The following TIMD4 variants were observed in gnomAD, a reference collection of about 807,000 sequenced individuals.
TIMD4 encodes T-cell immunoglobulin and mucin domain-containing protein 4.
A neutral mutation model predicts 41.2 loss-of-function variants in TIMD4; 31 were observed. The ratio of observed to expected loss-of-function variants is 0.75; its 90% CI spans 0.57 to 1.01. The LOEUF is 1.01. Ranked by LOEUF, TIMD4 falls within the 50% of genes least tolerant of loss-of-function variation. The probability of loss-of-function intolerance (pLI) is 0.00; values close to 1 mark genes in which losing one functional copy is unlikely to be tolerated. For missense variants in TIMD4, 479 were observed against 472.5 expected (o/e 1.01, Z -0.13); for synonymous variants, 204 against 177.1 (o/e 1.15, Z -1.21).
rs143159453 is a variant in TIMD4, at chr5:156,954,674, G to T, written c.141C>A (p.His47Gln). 2.5e-6 allele frequency: 4 copies of T among 1,614,214 alleles called. No homozygotes were observed. The highest frequency in any genetic ancestry group is 3.4e-6 in the Non-Finnish European group (4 of 1,180,042). The change falls in exon 2 of 9, where the codon CAC (histidine) becomes CAA (glutamine). Residue 47 changes from histidine (H) to glutamine (Q), a missense_variant. Transcript: ENST00000274532. ...TLPCLYSSWS[H>Q]NSNSMCWGKD... is the part of the protein sequence containing the mutation. The stretch of plus-strand genomic sequence containing the variant: ...TCCCCCAGCACATGCTGTTGCTGTT[G>T]TGAGACCAGGATGAGTACAGACAGG...
rs373507116 is a variant in TIMD4 at position 156,954,712 on chromosome 5, G to A, written c.103C>T (p.Arg35Trp). The change falls in exon 2 of 9, where the codon CGG becomes TGG. Residue 35 changes from arginine to tryptophan, a missense_variant. Coordinates refer to ENST00000274532, the MANE Select transcript of TIMD4 (RefSeq NM_138379.3). Reference sequence around the variant, plus strand: ...GAGTACAGACAGGGCAAAGTCACCCGGTGACCCAAAACCTCCGTCACAACA... The same window carrying A: ...GAGTACAGACAGGGCAAAGTCACCCAGTGACCCAAAACCTCCGTCACAACA... ...ETVVTEVLGH[R>W]VTLPCLYSSW... is the part of the protein sequence containing the mutation. 5.0e-6 allele frequency: 8 copies of A among 1,613,760 alleles called. No homozygotes were observed. The highest frequency in any genetic ancestry group is 1.7e-5 in the Admixed American group (1 of 59,986).
At chr5:156,955,899 A>T (rs1258098550) in intron 1 of TIMD4, among the ~76,000 whole-genome samples, 1 of 152,226 alleles carries the variant, frequency 6.6e-6, no homozygotes, top group Non-Finnish European at 1.5e-5. Context: ...TGATGTTCTG[A>T]TATACATATA....
At chr5:156,920,632 T>C in intron 7 of TIMD4, 129 bp from the exon 8 acceptor site, 1 of 933,048 alleles carries the variant, frequency 1.1e-6, no homozygotes, top group Admixed American at 2.1e-5. Flanking sequence ...GTGGCTGGCT[T>C]TGGCAGAAAA....
chr5:156,926,659 T>C (rs1279949424), intron 5 of TIMD4, among the ~76,000 whole-genome samples: 1 of 152,228 alleles, frequency 6.6e-6, no homozygotes, highest in Non-Finnish European at 1.5e-5. Flanking sequence ...TTAATAAATA[T>C]TTACTGAGCA....
intron 1 of TIMD4, among the ~76,000 whole-genome samples, chr5:156,957,934 T>C (rs573981743): frequency 1.2e-4 from 19 of 152,320 alleles, no homozygotes; most frequent in African/African-American, 4.6e-4. Context: ...AACATTTTAT[T>C]TTCCCAAGTA....
At chr5:156,944,500 T>C (rs535821960) in intron 5 of TIMD4, among the ~76,000 whole-genome samples, 112 of 129,036 alleles carry the variant, frequency 8.7e-4, no homozygotes, top group African/African-American at 3.1e-3. Context: ...GTGATCTTTT[T>C]TTTTTTTTTT....
In TIMD4 at chr5:156,951,777, C is replaced by T. The variant is rs1188048455; in HGVS notation, c.414G>A (p.Thr138=). ...RLNLQRASTT[T]HRTATTTTRR... ...GTGTGGTGGTGGTTGCTGTTCTGTG[C>T]GTGGTTGTTGAGGCTGTAACCAACA... Residue 138 remains threonine (T), a synonymous_variant, in exon 3 of 9, where the codon ACG becomes ACA. Transcript: ENST00000274532. 16 of 1,613,690 alleles carry T rather than the reference C, an allele frequency of 9.9e-6. No homozygotes were observed. Among genetic ancestry groups the T allele is most frequent in the South Asian group, 3.3e-5 (3 of 91,046 alleles).
rs375874879 is a variant in TIMD4 at position 156,951,753 on chromosome 5, T to C, written c.438A>G (p.Thr146=). 5.0e-6 allele frequency: 8 copies of C among 1,613,938 alleles called. No homozygotes were observed. Among genetic ancestry groups the C allele is most frequent in the African/African-American group, 1.3e-5 (1 of 74,866 alleles). ...TGGGGCTTGTTGTTGTTGTTCTGCG[T>C]GTGGTGGTGGTTGCTGTTCTGTGCG... ...TTTHRTATTT[T]RRTTTTSPTT... The change falls in exon 3 of 9, where the codon ACA becomes ACG. Residue 146 remains threonine (T), a synonymous_variant. Transcript: ENST00000274532.
chr5:156,927,750 T>A (rs527684723), intron 5 of TIMD4, among the ~76,000 whole-genome samples: 1 of 152,250 alleles, frequency 6.6e-6, no homozygotes, highest in East Asian at 1.9e-4. Flanking sequence ...CAGTTCCTAC[T>A]TGAGACACCT....
At chr5:156,938,146 A>G (rs565286442) in intron 5 of TIMD4, among the ~76,000 whole-genome samples, 1 of 152,334 alleles carries the variant, frequency 6.6e-6, no homozygotes, top group Admixed American at 6.5e-5. Flanking sequence ...AGTGCAATGT[A>G]GGGCAATGAG....
At chr5:156,958,340 AAAGGAAAGGAAAGGAAAGGAAAGGAAAG>A (rs1760018151) in intron 1 of TIMD4, among the ~76,000 whole-genome samples, 1 of 128,466 alleles carries the variant, frequency 7.8e-6, no homozygotes. Flanking sequence ...AAAGGAAAGG[AAAGGAAAGGAAAGGAAAGGAAAGGAAAG>A]GAAAGGAAAG....
chr5:156,921,948 T>C (rs1267391308), intron 7 of TIMD4, 151 bp downstream of exon 7: 1 of 608,382 alleles, frequency 1.6e-6, no homozygotes, highest in African/African-American at 1.9e-5. Flanking sequence ...GAGAATGAAC[T>C]TACCTGTTAC....
At chr5:156,958,420 T>C (rs1317679488) in intron 1 of TIMD4, among the ~76,000 whole-genome samples, 2 of 151,484 alleles carry the variant, frequency 1.3e-5, no homozygotes, top group African/African-American at 4.9e-5. Context: ...GAGGACATAA[T>C]AGACAATTCG....
At chr5:156,941,255 A>G (rs1759647490) in intron 5 of TIMD4, among the ~76,000 whole-genome samples, 1 of 152,078 alleles carries the variant, frequency 6.6e-6, no homozygotes, top group Non-Finnish European at 1.5e-5. Flanking sequence ...TCTCTCCACT[A>G]TTGTCCTATG....
At chr5:156,927,157 T>C (rs923236350) in intron 5 of TIMD4, among the ~76,000 whole-genome samples, 1 of 152,222 alleles carries the variant, frequency 6.6e-6, no homozygotes. Flanking sequence ...TTGTAGTTCA[T>C]TGAAAGTTTT....
intron 6 of TIMD4, among the ~76,000 whole-genome samples, chr5:156,923,179 C>T (rs1356889141): frequency 2.1e-5 from 3 of 141,894 alleles, no homozygotes; most frequent in East Asian, 2.1e-4. Context: ...CACAGAGTCT[C>T]ACTCTGTCAG....
intron 5 of TIMD4, among the ~76,000 whole-genome samples, chr5:156,932,502 A>T (rs1321634002): frequency 1.3e-5 from 2 of 152,230 alleles, no homozygotes; most frequent in African/African-American, 4.8e-5. Context: ...TTTTAACAGT[A>T]AGTACATATA....
intron 1 of TIMD4, among the ~76,000 whole-genome samples, chr5:156,957,527 A>G (rs1380537615): frequency 6.6e-6 from 1 of 151,414 alleles, no homozygotes; most frequent in Non-Finnish European, 1.5e-5. Flanking sequence ...AAAAAAAAGA[A>G]AAAAGAAAAA....
chr5:156,948,652 A>G (rs1759791436), intron 4 of TIMD4, among the ~76,000 whole-genome samples, 153 bp from the exon 5 acceptor site: 1 of 152,240 alleles, frequency 6.6e-6, no homozygotes, highest in Admixed American at 6.5e-5. Flanking sequence ...AGTGACCTAC[A>G]TGCATTCTGT....
Sources: allele counts gnomAD v4.1 joint callset (sites outside exome capture counted in the v4.1 genomes callset), GRCh38; gene constraint gnomAD v4.1.1; transcripts MANE v1.5; gene names NCBI Gene and HGNC (gene_info 2026-07-23, HGNC 2026-07-21).